POLD1: variants seen among roughly 807,000 people sequenced by gnomAD.
POLD1 encodes the protein DNA polymerase delta catalytic subunit.
In POLD1, 79 loss-of-function variants were observed where a neutral mutation model predicts 129.7. The observed-to-expected ratio is 0.61, with a 90% confidence interval of 0.51 to 0.73. POLD1 has a LOEUF of 0.73. Ranked by LOEUF, POLD1 falls within the 30% of genes least tolerant of loss-of-function variation. POLD1 has a pLI of 0.00. For missense variants in POLD1, 1,338 were observed against 1,595.8 expected, an observed-to-expected ratio of 0.84 and a Z score of 2.75; for synonymous variants, 714 against 683.3, an observed-to-expected ratio of 1.04 and a Z score of -0.70.
At chr19:50,412,448 T>G (rs2039119006) in intron 17 of POLD1, among the ~76,000 whole-genome samples, 1 of 150,822 alleles carries the variant, frequency 6.6e-6, no homozygotes, top group Non-Finnish European at 1.5e-5. Context: ...TCACCACGCT[T>G]GGCCTCCTGT....
rs1237089094 is a variant in POLD1, at chr19:50,408,846, G to A, written c.1837G>A (p.Ala613Thr). ...FSSLYPSIMM[A>T]HNLCYTTLLR... is the part of the protein sequence containing the mutation. The stretch of plus-strand genomic sequence containing the variant: ...CTCGCTGTACCCGTCCATCATGATG[G>A]CCCACAACCTGTGTTACACCACGCT... Residue 613 changes from alanine (A) to threonine (T), a missense_variant, in exon 15 of 27, where the codon GCC becomes ACC. This residue lies in a region of POLD1 where 720 missense variants were observed against 1,002.6 expected (regional missense o/e 0.72). Coordinates refer to ENST00000440232, the MANE Select transcript of POLD1 (RefSeq NM_002691.4). 6.2e-7 allele frequency: 1 copy of A among 1,614,058 alleles called. No homozygotes were observed. The highest frequency in any genetic ancestry group is 8.5e-7 in the Non-Finnish European group (1 of 1,180,008).
At position 50,409,745 on chromosome 19, in the gene POLD1, C is replaced by A. The variant is rs1304877834; in HGVS notation, c.2154+79C>A. Reference sequence around the variant, plus strand: ...GGAGACCAGGGCTCCATGTGGGGGACCTGTATCCAGAGGACTGGGCACCCC... The same window carrying A: ...GGAGACCAGGGCTCCATGTGGGGGAACTGTATCCAGAGGACTGGGCACCCC... On this transcript the variant is annotated intron_variant, in intron 17 of 26. Transcript: ENST00000440232. This position sits in a 1 kb window ranked among gnomAD's most constrained non-coding sequence, Gnocchi z 5.8. 3 of 1,466,714 alleles carry A rather than the reference C, an allele frequency of 2.0e-6. No homozygotes were observed. The highest frequency in any genetic ancestry group is 2.8e-6 in the Non-Finnish European group (3 of 1,087,230). 90.9% of individuals were successfully genotyped at this position (1,466,714 alleles called of 1,614,324 possible).
intron 1 of POLD1, among the ~76,000 whole-genome samples, chr19:50,384,598 G>C (rs1003306806): frequency 2.0e-5 from 3 of 151,892 alleles, no homozygotes; most frequent in South Asian, 2.1e-4. Context: ...TCCTCGGCGG[G>C]CAGGGGGCGC....
Position 50,409,063 on chromosome 19 carries a change from G to A in POLD1, c.1893-59G>A. ...TCATGGCCAAGGCCAGGACCGTAGGGCAGAGGTGGGCTGGAGCAGGAGGGT... is the reference window on the plus strand; with the variant it reads ...TCATGGCCAAGGCCAGGACCGTAGGACAGAGGTGGGCTGGAGCAGGAGGGT... On this transcript the variant is annotated intron_variant, in intron 15 of 26. Coordinates refer to ENST00000440232, the MANE Select transcript of POLD1 (RefSeq NM_002691.4). This position sits in a 1 kb window ranked among gnomAD's most constrained non-coding sequence, Gnocchi z 5.8. 2.9e-6 allele frequency: 4 copies of A among 1,393,570 alleles called. No homozygotes were observed. The South Asian group carries it at 3.5e-5, about 12-fold the overall frequency. 86.3% of individuals were successfully genotyped at this position (1,393,570 alleles called of 1,614,324 possible).
At chr19:50,408,090 AC>A (rs2038964650) in intron 14 of POLD1, among the ~76,000 whole-genome samples, 1 of 151,062 alleles carries the variant, frequency 6.6e-6, no homozygotes, top group Non-Finnish European at 1.5e-5. Context: ...CAATCCCAGC[AC>A]TTTGGGAGGT....
chr19:50,401,166 G>C (rs113003700), intron 3 of POLD1, among the ~76,000 whole-genome samples: 6,128 of 150,772 alleles, frequency 0.041, 430 homozygotes, highest in African/African-American at 0.14. Flanking sequence ...GCATGGGCCT[G>C]TAATCTCAGC....
At position 50,406,064 on chromosome 19, in the gene POLD1, G is replaced by T; in HGVS notation, c.1243-118G>T. On this transcript the variant is annotated intron_variant, in intron 10 of 26. Transcript: ENST00000440232. The surrounding 1 kb of genome is among the most constrained non-coding windows in gnomAD (Gnocchi z 5.5). The stretch of plus-strand genomic sequence containing the variant: ...CCCAGACCGTCTTTCTGCCCCCAGG[G>T]TTGCTCTCGACCCCCTAGGGTTGTT... 2.4e-6 allele frequency: 3 copies of T among 1,230,992 alleles called. No individual in the cohort carries two copies. The highest frequency in any genetic ancestry group is 3.4e-6 in the Non-Finnish European group (3 of 870,662). The allele number at this position is 1,230,992 out of a possible 1,614,324, so 76.3% of individuals were successfully genotyped here.
intron 1 of POLD1, among the ~76,000 whole-genome samples, chr19:50,395,981 G>A (rs576816492): frequency 1.4e-5 from 2 of 138,304 alleles, no homozygotes; most frequent in African/African-American, 5.4e-5. Context: ...GCCTCCCAAA[G>A]TGCTGAGATT....
In POLD1 at chr19:50,413,437, G is replaced by A. The variant is rs1601237361; in HGVS notation, c.2166G>A (p.Gly722=). The change falls in exon 18 of 27, where the codon GGG becomes GGA. Residue 722 remains glycine, a synonymous_variant. Coordinates refer to ENST00000440232, the MANE Select transcript of POLD1 (RefSeq NM_002691.4). ...TCTCTCCCCGACAGAGCGTCACGGG[G>A]TTCGGACGTCAGATGATCGAGAAAA... ...PCLEISQSVT[G]FGRQMIEKTK... 6.2e-7 allele frequency: 1 copy of A among 1,613,194 alleles called. No individual in the cohort carries two copies. Among genetic ancestry groups the A allele is most frequent in the Non-Finnish European group, 8.5e-7 (1 of 1,179,546 alleles).
intron 1 of POLD1, among the ~76,000 whole-genome samples, chr19:50,388,085 C>T (rs1038944876): frequency 3.3e-5 from 5 of 152,190 alleles, no homozygotes; most frequent in African/African-American, 1.2e-4. Flanking sequence ...GCTGCATATT[C>T]CAAGATCCCA....
chr19:50,399,029 T>G lies in POLD1; in HGVS notation c.178T>G (p.Ser60Ala). The G allele has an allele frequency of 6.4e-7, 1 of 1,556,624 alleles. No homozygotes were observed. The highest frequency in any genetic ancestry group is 8.7e-7 in the Non-Finnish European group (1 of 1,149,886). Residue 60 changes from serine to alanine, a missense_variant, in exon 2 of 27, where the codon TCA becomes GCA. Transcript: ENST00000440232. ...GGAGCAGGAGGAGGAGGAGCTGCAG[T>G]CAGTCCTGGAGGGGGTTGCAGACGG... ...LQEQEEEELQ[S>A]VLEGVADGQV...
chr19:50,393,897 TGA>T (rs1484310278), intron 1 of POLD1: 1 of 152,244 alleles, frequency 6.6e-6, no homozygotes, highest in Non-Finnish European at 1.5e-5. Flanking sequence ...TCTCTAATGC[TGA>T]GTGTCTGTTA....
intron 3 of POLD1, among the ~76,000 whole-genome samples, chr19:50,399,742 G>A (rs1466621239): frequency 6.6e-6 from 1 of 152,206 alleles, no homozygotes; most frequent in African/African-American, 2.4e-5. Flanking sequence ...TTTTGCATAC[G>A]TAGTAGCTGC....
At position 50,416,659 on chromosome 19, in the gene POLD1, C is replaced by A; in HGVS notation, c.3003C>A (p.Gly1001=). The A allele has an allele frequency of 6.4e-7, 1 of 1,562,820 alleles. No individual in the cohort carries two copies. The highest frequency in any genetic ancestry group is 8.6e-7 in the Non-Finnish European group (1 of 1,158,774). Residue 1001 remains glycine, a synonymous_variant, in exon 24 of 27, where the codon GGC becomes GGA. Coordinates refer to ENST00000440232, the MANE Select transcript of POLD1 (RefSeq NM_002691.4). ...CKTVLTGKVG[G]LLAFAKRRNC... is the part of the protein sequence containing the mutation. Reference sequence around the variant, plus strand: ...CGGTGCTCACGGGCAAGGTGGGCGGCCTCCTGGCCTTCGCCAAACGCCGCA... The same window carrying A: ...CGGTGCTCACGGGCAAGGTGGGCGGACTCCTGGCCTTCGCCAAACGCCGCA...
intron 1 of POLD1, among the ~76,000 whole-genome samples, chr19:50,385,581 T>G (rs1262988308): frequency 3.4e-5 from 5 of 148,706 alleles, no homozygotes; most frequent in Non-Finnish European, 5.9e-5. Flanking sequence ...CAGGCTGGAA[T>G]GCAGTGGTGC....
At chr19:50,413,631 T>C in intron 18 of POLD1, 110 bp downstream of exon 18, 1 of 1,527,550 alleles carries the variant, frequency 6.5e-7, no homozygotes, top group Non-Finnish European at 8.9e-7. Context: ...CTGCCCACTC[T>C]CCTGTTGCAT....
At chr19:50,396,542 A>G (rs1469360148) in intron 1 of POLD1, among the ~76,000 whole-genome samples, 9 of 151,812 alleles carry the variant, frequency 5.9e-5, no homozygotes, top group African/African-American at 1.7e-4. Context: ...CAGTGGTGCA[A>G]TCTCAGCTCA....
chr19:50,406,508 C>T lies in POLD1; in HGVS notation c.1485C>T (p.Thr495=), dbSNP rs2230245. The change falls in exon 12 of 27, where the codon ACC becomes ACT. Residue 495 remains threonine, a synonymous_variant. Transcript: ENST00000440232. This position sits in a 1 kb window ranked among gnomAD's most constrained non-coding sequence, Gnocchi z 5.5. The part of the protein sequence containing the change: ...QKEDVQHSII[T]DLQNGNDQTR... ...AGGACGTGCAGCACAGCATCATCAC[C>T]GACCTGCAGGTGCCTGCTGCCTCCC... The T allele has an allele frequency of 0.12, 185,007 of 1,580,166 alleles. 11,895 individuals carry two copies. Among genetic ancestry groups the T allele is most frequent in the South Asian group, 0.14 (12,193 of 87,048 alleles).
At chr19:50,391,484 T>A (rs997481679) in intron 1 of POLD1, among the ~76,000 whole-genome samples, 3 of 152,142 alleles carry the variant, frequency 2.0e-5, no homozygotes, top group Non-Finnish European at 2.9e-5. Context: ...TCACTCGCGG[T>A]CAGGAGCTGG....
Sources: gnomAD v4.1 joint callset for allele counts (sites outside exome capture counted in the v4.1 genomes callset) on GRCh38, gnomAD v4.1.1 for gene constraint, gnomAD v4.1.1 regional missense constraint, Gnocchi (gnomAD v3.1) non-coding constraint, MANE v1.5 for transcripts, NCBI Gene and HGNC (gene_info 2026-07-23, HGNC 2026-07-21) for gene names.